Variants in LAMC2 observed in about 807,000 individuals in gnomAD.
LAMC2 encodes laminin subunit gamma 2.
In LAMC2, 97 loss-of-function variants were observed where a neutral mutation model predicts 140.2. The observed-to-expected ratio is 0.69, with a 90% CI of 0.59 to 0.82. LAMC2 has a LOEUF of 0.82. Among genes scored for constraint, LAMC2 ranks in the 40% least tolerant of loss-of-function variants. The probability of loss-of-function intolerance (pLI) is 0.00; values close to 1 mark genes in which losing one functional copy is unlikely to be tolerated. For synonymous variants in LAMC2, 513 were observed against 540.2 expected (o/e 0.95, Z 0.70); for missense variants, 1,402 against 1,476.1 (o/e 0.95, Z 0.82).
chr1:183,193,015 T>C (rs955034641), intron 1 of LAMC2, among the ~76,000 whole-genome samples: 5 of 152,186 alleles, frequency 3.3e-5, no homozygotes, highest in Admixed American at 6.5e-5. Context: ...TGAATTTTCA[T>C]TGAAACTAAT....
intron 2 of LAMC2, among the ~76,000 whole-genome samples, chr1:183,208,316 C>A (rs1658963528): frequency 6.6e-6 from 1 of 152,132 alleles, no homozygotes. Context: ...TTGGTGGAAC[C>A]AGTTGGGACC....
At chr1:183,239,045 CT>C (rs1334768128) in intron 19 of LAMC2, among the ~76,000 whole-genome samples, 3 of 152,196 alleles carry the variant, frequency 2.0e-5, no homozygotes, top group African/African-American at 7.2e-5. Flanking sequence ...ATCATTGGAG[CT>C]TAGGGCTTAA....
At chr1:183,215,165 C>A (rs1016176533) in intron 2 of LAMC2, among the ~76,000 whole-genome samples, 3 of 152,144 alleles carry the variant, frequency 2.0e-5, no homozygotes, top group Non-Finnish European at 4.4e-5. Context: ...ATTTGATGGA[C>A]TTCTTTTAAA....
chr1:183,198,140 CTTTTT>C (rs11338377), intron 1 of LAMC2, among the ~76,000 whole-genome samples: 1 of 138,184 alleles, frequency 7.2e-6, no homozygotes, highest in Non-Finnish European at 1.6e-5. Flanking sequence ...TTTTTTCTTT[CTTTTT>C]TTTTTTTTTT....
chr1:183,240,031 T>G lies in LAMC2; in HGVS notation c.3070-9T>G. The G allele has an allele frequency of 6.2e-7, 1 of 1,614,192 alleles. No individual in the cohort carries two copies. The highest frequency in any genetic ancestry group is 1.1e-5 in the South Asian group (1 of 91,086). ...CTCCTTCCGTCCCTGGCTCCTTTTCTTCTCTCAGGAGATTGGGAGTCTGAA... is the reference window on the plus strand; with the variant it reads ...CTCCTTCCGTCCCTGGCTCCTTTTCGTCTCTCAGGAGATTGGGAGTCTGAA... On this transcript the variant is annotated splice_polypyrimidine_tract_variant and intron_variant, in intron 20 of 22. Transcript: ENST00000264144.
downstream of LAMC2, among the ~76,000 whole-genome samples, chr1:183,246,112 G>A (rs966939984): frequency 5.3e-5 from 8 of 150,532 alleles, no homozygotes; most frequent in Non-Finnish European, 1.2e-4. Context: ...GGAGCTTGCA[G>A]TGAGCCAAGC....
intron 14 of LAMC2, among the ~76,000 whole-genome samples, chr1:183,233,834 T>C (rs1249815431): frequency 2.6e-5 from 4 of 151,974 alleles, no homozygotes; most frequent in Non-Finnish European, 5.9e-5. Context: ...TATATCTATA[T>C]ACAGACTTTT....
At chr1:183,249,854 A>T (rs904851393), downstream of LAMC2, 1 of 152,048 alleles carries the variant, frequency 6.6e-6, no homozygotes, top group African/African-American at 2.4e-5. Context: ...CAAAGATAAG[A>T]TCTGCCCCAC....
rs767569067 is a variant in LAMC2, at chr1:183,223,332, G to A, written c.953+8G>A. 1 of 1,613,866 alleles carries A rather than the reference G, an allele frequency of 6.2e-7. No homozygotes were observed. The highest frequency in any genetic ancestry group is 8.5e-7 in the Non-Finnish European group (1 of 1,179,774). On this transcript the variant is annotated splice_region_variant and intron_variant, in intron 7 of 22. Transcript: ENST00000264144. ...CAAGACTTACACATTCAGGTAAAAA[G>A]AGAGACCATAAGTAGGTCAATTAGA...
chr1:183,189,201 A>G (rs536519804), intron 1 of LAMC2, among the ~76,000 whole-genome samples: 53 of 152,306 alleles, frequency 3.5e-4, no homozygotes, highest in African/African-American at 1.3e-3. Context: ...TGAGTATAGG[A>G]AAGTTGAGAG....
chr1:183,237,555 C>T, intron 18 of LAMC2, 51 bp downstream of exon 18: 1 of 1,453,264 alleles, frequency 6.9e-7, no homozygotes, highest in East Asian at 2.3e-5. Context: ...GAATGCCCAC[C>T]ATATGAATAA....
chr1:183,233,421 TGTG>T (rs2102241198), intron 14 of LAMC2, among the ~76,000 whole-genome samples: 1 of 152,304 alleles, frequency 6.6e-6, no homozygotes, highest in South Asian at 2.1e-4. Flanking sequence ...TAGTTTGTAA[TGTG>T]GTAGGAGGGA....
downstream of LAMC2, chr1:183,249,240 G>A (rs1159465742): frequency 6.6e-6 from 1 of 152,268 alleles, no homozygotes; most frequent in East Asian, 1.9e-4. Context: ...AGGCTCTAGA[G>A]GCTGCCTGGG....
intron 1 of LAMC2, among the ~76,000 whole-genome samples, chr1:183,194,391 A>T (rs762815008): frequency 6.6e-6 from 1 of 152,234 alleles, no homozygotes; most frequent in Non-Finnish European, 1.5e-5. Flanking sequence ...GCCCACACAC[A>T]TACCTAAATG....
At position 183,220,860 on chromosome 1, in the gene LAMC2, A is replaced by T. The variant is rs772267215; in HGVS notation, c.539A>T (p.Asn180Ile). Residue 180 changes from asparagine (N) to isoleucine (I), a missense_variant, in exon 5 of 23, where the codon AAC becomes ATC. Asn to Ile is a moderately radical substitution (Grantham distance 149, BLOSUM62 -3). Transcript: ENST00000264144. ...RSGYYNLDGGNPEGCTQCFCY... is the reference protein window; with the variant it reads ...RSGYYNLDGGIPEGCTQCFCY... Reference sequence around the variant, plus strand: ...GGTTACTATAATCTGGATGGGGGGAACCCTGAGGGCTGTACCCAGTGTTTC... The same window carrying T: ...GGTTACTATAATCTGGATGGGGGGATCCCTGAGGGCTGTACCCAGTGTTTC... 7 of 1,613,670 alleles carry T rather than the reference A, an allele frequency of 4.3e-6. No homozygotes were observed. The African/African-American group carries it at 5.3e-5, about 12-fold the overall frequency.
At chr1:183,255,050 A>T in the LAMC2 span, among the ~76,000 whole-genome samples, 2,074 of 152,288 alleles carry the variant, frequency 0.014, 19 homozygotes, top group Non-Finnish European at 0.021. Context: ...ACTGTTTCAG[A>T]TCTTACACTT....
At chr1:183,204,826 T>C (rs1658832163) in intron 1 of LAMC2, among the ~76,000 whole-genome samples, 1 of 152,180 alleles carries the variant, frequency 6.6e-6, no homozygotes, top group South Asian at 2.1e-4. Context: ...CATGTTCTTT[T>C]TTTTTTCTTT....
chr1:183,249,807 A>G (rs984571229), downstream of LAMC2: 16 of 152,034 alleles, frequency 1.1e-4, no homozygotes, highest in African/African-American at 3.6e-4. Flanking sequence ...TTTATATTAA[A>G]TAGGAAACCT....
At chr1:183,197,067 A>T (rs527889565) in intron 1 of LAMC2, among the ~76,000 whole-genome samples, 18 of 152,344 alleles carry the variant, frequency 1.2e-4, no homozygotes, top group African/African-American at 3.8e-4. Context: ...GCCATGATAC[A>T]ATTTGTATTT....
Sources: gnomAD v4.1 joint callset for allele counts (sites outside exome capture counted in the v4.1 genomes callset) on GRCh38, gnomAD v4.1.1 for gene constraint, MANE v1.5 for transcripts, NCBI Gene and HGNC (gene_info 2026-07-23, HGNC 2026-07-21) for gene names.